ARHGAP32: variants seen among roughly 807,000 people sequenced by gnomAD.
ARHGAP32 encodes the protein rho GTPase-activating protein 32.
Under a neutral mutation model 186.5 loss-of-function variants are expected in ARHGAP32, and 51 were observed. The ratio of observed to expected loss-of-function variants is 0.27; its 90% CI spans 0.22 to 0.35. ARHGAP32 has a LOEUF of 0.35. ARHGAP32 is among the 10% of genes least tolerant of loss of function. The pLI is 1.00. For synonymous variants in ARHGAP32, 950 were observed against 964.3 expected (o/e 0.99, Z 0.27); for missense variants, 2,186 against 2,623.5 (o/e 0.83, Z 3.64).
chr11:129,231,436 C>T (rs923499955), intron 1 of ARHGAP32, among the ~76,000 whole-genome samples: 13 of 151,984 alleles, frequency 8.6e-5, no homozygotes, highest in Non-Finnish European at 8.8e-5. Flanking sequence ...GATGTGTGAC[C>T]GGCAAACAAA....
intron 6 of ARHGAP32, among the ~76,000 whole-genome samples, chr11:129,080,546 T>C (rs979914039): frequency 1.1e-4 from 16 of 152,236 alleles, no homozygotes; most frequent in Middle Eastern, 3.4e-3. Context: ...AAAAATTCTT[T>C]GAACTGAACG....
At chr11:129,162,497 T>G (rs964757028) in intron 2 of ARHGAP32, among the ~76,000 whole-genome samples, 19 of 152,056 alleles carry the variant, frequency 1.2e-4, no homozygotes, top group African/African-American at 4.6e-4. Flanking sequence ...AAGAATTAGC[T>G]CCTATGAACA....
intron 1 of ARHGAP32, among the ~76,000 whole-genome samples, chr11:129,241,159 G>A (rs1255991332): frequency 2.0e-5 from 3 of 152,112 alleles, no homozygotes; most frequent in Non-Finnish European, 2.9e-5. Context: ...GTATATGTCA[G>A]TACCTGATAC....
chr11:129,053,582 T>A (rs931842872), intron 10 of ARHGAP32, among the ~76,000 whole-genome samples: 1 of 152,168 alleles, frequency 6.6e-6, no homozygotes, highest in Non-Finnish European at 1.5e-5. Flanking sequence ...CAACAGAAAC[T>A]CTGCAATATA....
chr11:128,970,764 C>G lies in ARHGAP32; in HGVS notation c.4449G>C (p.Gln1483His), dbSNP rs1409927530. ...LPVPQPKHAS[Q>H]KTVYSSFARP... Reference sequence around the variant, plus strand: ...TAGCAAAGGAGGAGTAAACTGTTTTCTGAGAAGCATGCTTAGGTTGTGGGA... The same window carrying G: ...TAGCAAAGGAGGAGTAAACTGTTTTGTGAGAAGCATGCTTAGGTTGTGGGA... Residue 1483 changes from glutamine (Q) to histidine (H), a missense_variant, in exon 23 of 23, where the codon CAG becomes CAC. By Grantham distance (24) the Gln-to-His change is conservative. Coordinates refer to ENST00000682385, the MANE Select transcript of ARHGAP32 (RefSeq NM_001378024.1). The surrounding 1 kb of genome is among the most constrained non-coding windows in gnomAD (Gnocchi z 5.8). 1 of 1,614,170 alleles carries G rather than the reference C, an allele frequency of 6.2e-7. No homozygotes were observed. The highest frequency in any genetic ancestry group is 1.1e-5 in the South Asian group (1 of 91,072).
At chr11:129,263,118 A>G (rs187759008) in intron 1 of ARHGAP32, among the ~76,000 whole-genome samples, 353 of 152,318 alleles carry the variant, frequency 2.3e-3, no homozygotes, top group African/African-American at 8.3e-3. Context: ...CGATCTAAAC[A>G]TAAGAGCTAT....
Position 129,276,593 on chromosome 11 carries a change from A to C in ARHGAP32, c.-5+2553T>G, listed in dbSNP as rs558956239. On this transcript the variant is annotated intron_variant, in intron 1 of 6. Coordinates refer to the ARHGAP32 transcript ENST00000525234. ...AAGCATTTGATTAGAGGTGTAAGCC[A>C]CCCTGCCCAGCCTTTATATGCATGT... is the stretch of plus-strand genomic sequence containing the variant. Among the ~76,000 whole-genome samples, 10 of 152,276 alleles carry C rather than the reference A, an allele frequency of 6.6e-5. No individual in the cohort carries two copies. The South Asian group carries it at 2.1e-3, about 32-fold the overall frequency.
chr11:128,974,942 G>A lies in ARHGAP32; in HGVS notation c.2255C>T (p.Ser752Phe), dbSNP rs758836554. The change falls in exon 21 of 23, where the codon TCT (serine) becomes TTT (phenylalanine). Residue 752 changes from serine to phenylalanine, a missense_variant. By Grantham distance (155) the Ser-to-Phe change is radical (BLOSUM62 -2). Around this residue, in one of 5 missense-constraint regions of ARHGAP32, gnomAD observed 263 missense variants for 323.5 expected, o/e 0.81. Coordinates refer to ENST00000682385, the MANE Select transcript of ARHGAP32 (RefSeq NM_001378024.1). ...PRSSSDALSA[S>F]FNGEMLGNRC... ...GTTCCCCAGCATTTCTCCATTAAAA[G>A]AGGCAGACAGTGCATCACTGGAAGA... 3.7e-6 allele frequency: 6 copies of A among 1,613,938 alleles called. No individual in the cohort carries two copies. In the Admixed American group the frequency reaches 1.0e-4, roughly 27 times the overall value.
chr11:129,074,787 C>T (rs1016942503), intron 6 of ARHGAP32, among the ~76,000 whole-genome samples: 6 of 152,080 alleles, frequency 3.9e-5, no homozygotes, highest in African/African-American at 9.6e-5. Context: ...CCACCACACC[C>T]GGCCTAAAAA....
intron 6 of ARHGAP32, among the ~76,000 whole-genome samples, chr11:129,069,607 C>T (rs976396288): frequency 1.3e-5 from 2 of 152,040 alleles, no homozygotes; most frequent in African/African-American, 4.8e-5. Flanking sequence ...TCCATATTGG[C>T]TGAATCATCA....
chr11:129,089,542 GGT>G (rs922941500), intron 6 of ARHGAP32, among the ~76,000 whole-genome samples: 29 of 152,264 alleles, frequency 1.9e-4, no homozygotes, highest in African/African-American at 6.7e-4. Flanking sequence ...CCCGAAAGCT[GGT>G]GTGACCACAG....
At chr11:129,120,564 T>C (rs1394400697) in intron 5 of ARHGAP32, among the ~76,000 whole-genome samples, 2 of 152,104 alleles carry the variant, frequency 1.3e-5, no homozygotes, top group Non-Finnish European at 2.9e-5. Flanking sequence ...AAATTGATCA[T>C]TGGAATTTCT....
intron 5 of ARHGAP32, among the ~76,000 whole-genome samples, chr11:129,122,306 A>G (rs1170618293): frequency 6.6e-6 from 1 of 152,018 alleles, no homozygotes; most frequent in Non-Finnish European, 1.5e-5. Flanking sequence ...TACTGCCCCC[A>G]AAAGAGTTCA....
At position 129,255,381 on chromosome 11, in the gene ARHGAP32, A is replaced by C. The variant is rs766248754; in HGVS notation, c.-5+23765T>G. On this transcript the variant is annotated intron_variant, in intron 1 of 6. Transcript: ENST00000525234. ...CCAACTCACATCCTACACAAAAAGCATTACAGAAAAAATGCAGATCTAAAC... is the reference window on the plus strand; with the variant it reads ...CCAACTCACATCCTACACAAAAAGCCTTACAGAAAAAATGCAGATCTAAAC... Among the ~76,000 whole-genome samples, 4 of 152,126 alleles carry C rather than the reference A, an allele frequency of 2.6e-5. No homozygotes were observed. The South Asian group carries it at 6.2e-4, about 24-fold the overall frequency.
chr11:128,969,132 G>T lies in ARHGAP32; in HGVS notation c.6081C>A (p.Arg2027=). Residue 2027 remains arginine, a synonymous_variant, in exon 23 of 23, where the codon CGC becomes CGA. Coordinates refer to ENST00000682385, the MANE Select transcript of ARHGAP32 (RefSeq NM_001378024.1). This position sits in a 1 kb window ranked among gnomAD's most constrained non-coding sequence, Gnocchi z 4.8. ...VLYQYQPHGK[R]QSSVTVVSQY... The stretch of plus-strand genomic sequence containing the variant: ...GGGACACAACAGTCACACTGCTCTG[G>T]CGCTTGCCGTGTGGTTGGTACTGGT... 1 of 1,606,978 alleles carries T rather than the reference G, an allele frequency of 6.2e-7. No individual in the cohort carries two copies. The highest frequency in any genetic ancestry group is 8.5e-7 in the Non-Finnish European group (1 of 1,175,126).
In ARHGAP32 at chr11:129,125,820, A is replaced by C. The variant is rs144346420; in HGVS notation, c.226-926T>G. ...GGGTTTTTTTTTTCTTAGCAAATTT[A>C]ACTATTTATAAGGGTTGGTATTTCA... is the stretch of plus-strand genomic sequence containing the variant. On this transcript the variant is annotated intron_variant, in intron 2 of 22. Transcript: ENST00000682385. 7.6e-4 allele frequency: 285 copies of C among 377,090 alleles called. 5 individuals carry two copies. The East Asian group carries it at 0.019, about 25-fold the overall frequency. The allele number at this position is 377,090 out of a possible 1,614,324, so 23.4% of individuals were successfully genotyped here.
intron 11 of ARHGAP32, among the ~76,000 whole-genome samples, chr11:129,009,686 A>G (rs1256101405): frequency 6.6e-6 from 1 of 152,188 alleles, no homozygotes; most frequent in East Asian, 1.9e-4. Flanking sequence ...TTATGGCTGC[A>G]TAGTATTCCA....
chr11:129,122,623 T>C (rs1377790421), intron 5 of ARHGAP32, among the ~76,000 whole-genome samples: 3 of 152,130 alleles, frequency 2.0e-5, no homozygotes, highest in Non-Finnish European at 2.9e-5. Flanking sequence ...AGAAATGTCC[T>C]TCACTTTCAT....
Position 129,218,069 on chromosome 11 carries a change from A to C in ARHGAP32, c.-4-53642T>G, listed in dbSNP as rs2135602688. On this transcript the variant is annotated intron_variant, in intron 1 of 6. Coordinates refer to the ARHGAP32 transcript ENST00000525234. ...CTTGTCACTGTGCAGACTCAGGTAA[A>C]ACATCAAAACCAACTGTGATATCTA... is the stretch of plus-strand genomic sequence containing the variant. 2.0e-5 allele frequency among the ~76,000 whole-genome samples: 3 copies of C among 152,316 alleles called. 1 individual carries two copies. In the Middle Eastern group the frequency reaches 0.01, roughly 518 times the overall value.
Sources: gnomAD v4.1 joint callset for allele counts (sites outside exome capture counted in the v4.1 genomes callset) on GRCh38, gnomAD v4.1.1 for gene constraint, gnomAD v4.1.1 regional missense constraint, Gnocchi (gnomAD v3.1) non-coding constraint, MANE v1.5 for transcripts, NCBI Gene and HGNC (gene_info 2026-07-23, HGNC 2026-07-21) for gene names.